The following DOK5 variants were observed in gnomAD, a reference collection of about 807,000 sequenced individuals.
DOK5 encodes the protein docking protein 5, also known as downstream of tyrosine kinase 5.
Under a neutral mutation model 43.3 loss-of-function variants are expected in DOK5, and 27 were observed. The observed-to-expected ratio is 0.62, with a 90% CI of 0.46 to 0.86. The LOEUF is 0.86. DOK5 is among the 40% of genes least tolerant of loss of function. The pLI is 0.00. For synonymous variants in DOK5, 146 were observed against 140.1 expected (o/e 1.04, Z -0.30); for missense variants, 373 against 392.9 (o/e 0.95, Z 0.43).
rs200389490 is a variant in DOK5, at chr20:54,515,261, G to A, written c.66+39249G>A. Among the ~76,000 whole-genome samples, 16 of 152,176 alleles carry A rather than the reference G, an allele frequency of 1.1e-4. 2 individuals carry two copies. In the East Asian group the frequency reaches 2.7e-3, roughly 26 times the overall value. On this transcript the variant is annotated intron_variant, in intron 1 of 7. Coordinates refer to ENST00000262593, the MANE Select transcript of DOK5 (RefSeq NM_018431.5). ...TTCCTGACCTCAGGCCATCCAACCC[G>A]CCTCGGCCTCCCAAAGTGCTGGATT...
chr20:54,475,695 G>A lies in DOK5; in HGVS notation c.-252G>A. On this transcript the variant is annotated 5_prime_UTR_variant, in exon 1 of 8. Transcript: ENST00000262593. The surrounding 1 kb of genome is among the most constrained non-coding windows in gnomAD (Gnocchi z 4.2). ...GGCCGCGGAGTCAGCTGACGCCGGC[G>A]CTCCAGCCTCGCCTCCCCGCGCCGC... 1.8e-6 allele frequency: 1 copy of A among 544,848 alleles called. No individual in the cohort carries two copies. The highest frequency in any genetic ancestry group is 2.3e-5 in the South Asian group (1 of 43,460). 33.8% of individuals were successfully genotyped at this position (544,848 alleles called of 1,614,324 possible).
intron 2 of DOK5, among the ~76,000 whole-genome samples, chr20:54,561,585 G>C (rs6098086): frequency 1.7e-3 from 264 of 152,296 alleles, no homozygotes; most frequent in African/African-American, 6.2e-3. Flanking sequence ...TAGAACCCCA[G>C]GGCAACCCAA....
intron 1 of DOK5, among the ~76,000 whole-genome samples, chr20:54,540,122 T>C (rs1455573692): frequency 6.6e-6 from 1 of 151,896 alleles, no homozygotes; most frequent in African/African-American, 2.4e-5. Context: ...TAAGTCCCTT[T>C]GGAAGCCCCA....
chr20:54,597,071 T>C (rs2146777528), intron 5 of DOK5, among the ~76,000 whole-genome samples: 1 of 152,208 alleles, frequency 6.6e-6, no homozygotes, highest in South Asian at 2.1e-4. Flanking sequence ...AGGAAGAGGG[T>C]ACTGTTGCTA....
intron 1 of DOK5, among the ~76,000 whole-genome samples, chr20:54,482,787 G>C (rs73142905): frequency 6.6e-6 from 1 of 152,092 alleles, no homozygotes; most frequent in South Asian, 2.1e-4. Flanking sequence ...GTGAGCCACC[G>C]TGCCCGGCCT....
chr20:54,546,938 G>A (rs1984368076), intron 1 of DOK5, among the ~76,000 whole-genome samples: 1 of 152,136 alleles, frequency 6.6e-6, no homozygotes, highest in Non-Finnish European at 1.5e-5. Flanking sequence ...AGTTTTATTG[G>A]AGTAGAATCT....
At chr20:54,574,711 T>G (rs1310729563) in intron 2 of DOK5, among the ~76,000 whole-genome samples, 3 of 152,176 alleles carry the variant, frequency 2.0e-5, no homozygotes, top group Non-Finnish European at 4.4e-5. Flanking sequence ...AATGTTTATC[T>G]TGAACCTGGC....
chr20:54,575,206 A>T (rs1985415550), intron 2 of DOK5, among the ~76,000 whole-genome samples: 1 of 152,230 alleles, frequency 6.6e-6, no homozygotes, highest in African/African-American at 2.4e-5. Context: ...CATTTACAAA[A>T]TATGGACTTT....
chr20:54,604,137 G>A (rs534496796), intron 5 of DOK5, among the ~76,000 whole-genome samples: 59 of 151,554 alleles, frequency 3.9e-4, no homozygotes, highest in African/African-American at 1.4e-3. Flanking sequence ...GAGTAGAGAC[G>A]GGGTTTCACC....
At chr20:54,557,471 A>C (rs1271935651) in intron 2 of DOK5, among the ~76,000 whole-genome samples, 2 of 152,202 alleles carry the variant, frequency 1.3e-5, no homozygotes, top group East Asian at 3.9e-4. Flanking sequence ...CCGGGTTCCT[A>C]ATAGGCTATA....
At chr20:54,645,413 G>A (rs1033698787) in intron 7 of DOK5, among the ~76,000 whole-genome samples, 113 of 148,382 alleles carry the variant, frequency 7.6e-4, no homozygotes, top group African/African-American at 2.7e-3. Context: ...CTCCATGCCC[G>A]CTCTGAACCC....
At chr20:54,480,963 ATCTATCATCTATCTATCT>A (rs1568746169) in intron 1 of DOK5, among the ~76,000 whole-genome samples, 12 of 114,822 alleles carry the variant, frequency 1.0e-4, no homozygotes, top group East Asian at 2.1e-4. Flanking sequence ...TCTATCTATC[ATCTATCATCTATCTATCT>A]ATCATCTATC....
At chr20:54,492,330 A>G (rs1982213976) in intron 1 of DOK5, among the ~76,000 whole-genome samples, 1 of 152,194 alleles carries the variant, frequency 6.6e-6, no homozygotes, top group Non-Finnish European at 1.5e-5. Context: ...ATGGGTTCAT[A>G]TTATACAATC....
At chr20:54,637,570 A>G (rs1364983256) in intron 6 of DOK5, among the ~76,000 whole-genome samples, 1 of 152,232 alleles carries the variant, frequency 6.6e-6, no homozygotes, top group Admixed American at 6.5e-5. Context: ...AGTCGAGTGA[A>G]GTAGTCTTAT....
intron 6 of DOK5, among the ~76,000 whole-genome samples, chr20:54,636,909 G>T (rs373324360): frequency 6.6e-6 from 1 of 152,098 alleles, no homozygotes; most frequent in African/African-American, 2.4e-5. Context: ...CAGGACTTTT[G>T]GGGGGGACAA....
At chr20:54,638,122 G>GAA (rs35374729) in intron 6 of DOK5, among the ~76,000 whole-genome samples, 94,967 of 129,798 alleles carry the variant, frequency 0.73, 36,300 homozygotes, top group East Asian at 0.99. Flanking sequence ...ACTCTGTCTC[G>GAA]AAAAAAAAAA....
In DOK5 at chr20:54,554,953, A is replaced by G; in HGVS notation, c.87A>G (p.Leu29=). ...TCCAGATTTATCAGCGATGCTGGTT[A>G]GTATTCAAGAAAGCTTCAAGCAAAG... The part of the protein sequence containing the change: ...RRLGIYQRCW[L]VFKKASSKGP... Residue 29 remains leucine, a synonymous_variant, in exon 2 of 8, where the codon TTA becomes TTG. Transcript: ENST00000262593. 3 of 1,612,916 alleles carry G rather than the reference A, an allele frequency of 1.9e-6. No homozygotes were observed. The highest frequency in any genetic ancestry group is 1.3e-5 in the African/African-American group (1 of 75,038).
At chr20:54,598,164 T>C (rs1389221757) in intron 5 of DOK5, among the ~76,000 whole-genome samples, 1 of 152,186 alleles carries the variant, frequency 6.6e-6, no homozygotes, top group Non-Finnish European at 1.5e-5. Flanking sequence ...CCTGGTATCA[T>C]AAAATCTGAC....
chr20:54,539,020 C>T (rs1448990846), intron 1 of DOK5, among the ~76,000 whole-genome samples: 1 of 152,254 alleles, frequency 6.6e-6, no homozygotes, highest in East Asian at 1.9e-4. Context: ...CCGTGGCTTA[C>T]ACCTGCAATC....
Sources: allele counts gnomAD v4.1 joint callset (sites outside exome capture counted in the v4.1 genomes callset), GRCh38; gene constraint gnomAD v4.1.1; non-coding constraint Gnocchi (gnomAD v3.1); transcripts MANE v1.5; gene names NCBI Gene and HGNC (gene_info 2026-07-23, HGNC 2026-07-21).